HS3ST4: variants seen among roughly 807,000 people sequenced by gnomAD.
The protein encoded by HS3ST4 is heparan sulfate glucosamine 3-O-sulfotransferase 4.
A neutral mutation model predicts 29.2 loss-of-function variants in HS3ST4; 17 were observed. The ratio of observed to expected loss-of-function variants is 0.58; its 90% CI spans 0.40 to 0.87. The LOEUF (loss-of-function observed/expected upper bound fraction) is 0.87. Ranked by LOEUF, HS3ST4 falls within the 40% of genes least tolerant of loss-of-function variation. The probability of loss-of-function intolerance (pLI) is 0.00; values close to 1 mark genes in which losing one functional copy is unlikely to be tolerated. For missense variants in HS3ST4, 627 were observed against 634.5 expected (o/e 0.99, Z 0.13); for synonymous variants, 314 against 285.7 (o/e 1.10, Z -1.00).
chr16:25,761,275 A>G (rs1018728180), intron 1 of HS3ST4, among the ~76,000 whole-genome samples: 1 of 152,188 alleles, frequency 6.6e-6, no homozygotes, highest in Non-Finnish European at 1.5e-5. Flanking sequence ...TGCCCTGCTC[A>G]ATAGGACATT....
rs542750261 is a variant in HS3ST4, at chr16:26,028,050, A to T, written c.735-107562A>T. ...CACTTTGGGAGGCCGAGGTGGGTGGATCACCTGAGGTCAGGAGTTCGAGAC... is the reference window on the plus strand; with the variant it reads ...CACTTTGGGAGGCCGAGGTGGGTGGTTCACCTGAGGTCAGGAGTTCGAGAC... On this transcript the variant is annotated intron_variant, in intron 1 of 1. Coordinates refer to ENST00000331351, the MANE Select transcript of HS3ST4 (RefSeq NM_006040.3). Among the ~76,000 whole-genome samples, 3 of 152,262 alleles carry T rather than the reference A, an allele frequency of 2.0e-5. 1 individual carries two copies. The South Asian group carries it at 6.2e-4, about 32-fold the overall frequency.
chr16:26,135,475 A>C, intron 1 of HS3ST4, 137 bp from the exon 2 acceptor site: 1 of 834,282 alleles, frequency 1.2e-6, no homozygotes, highest in Non-Finnish European at 1.8e-6. Context: ...GATATAGGTA[A>C]GAAGAACTTG....
At chr16:25,701,294 C>A (rs537758852) in intron 1 of HS3ST4, among the ~76,000 whole-genome samples, 2 of 152,296 alleles carry the variant, frequency 1.3e-5, no homozygotes, top group East Asian at 3.9e-4. Context: ...GGGTCCTGTG[C>A]CCCATTCCTA....
chr16:25,737,322 G>C (rs1316866335), intron 1 of HS3ST4, among the ~76,000 whole-genome samples: 1 of 151,502 alleles, frequency 6.6e-6, no homozygotes, highest in African/African-American at 2.4e-5. Flanking sequence ...GTTTGATGTA[G>C]ATTAAAATGT....
intron 1 of HS3ST4, among the ~76,000 whole-genome samples, chr16:26,098,981 G>A (rs771392160): frequency 6.6e-6 from 1 of 152,178 alleles, no homozygotes; most frequent in Non-Finnish European, 1.5e-5. Flanking sequence ...GACAGGTGTG[G>A]TGGGAGGAAT....
chr16:25,951,959 C>A (rs1031356805), intron 1 of HS3ST4, among the ~76,000 whole-genome samples: 6 of 150,960 alleles, frequency 4.0e-5, no homozygotes, highest in African/African-American at 1.2e-4. Context: ...TGCACATGTA[C>A]CCTGGAACTT....
chr16:25,743,841 C>G (rs550386037), intron 1 of HS3ST4, among the ~76,000 whole-genome samples: 1 of 152,270 alleles, frequency 6.6e-6, no homozygotes, highest in African/African-American at 2.4e-5. Context: ...CTCTGACTCT[C>G]ACATCTTGTT....
chr16:25,905,684 G>A (rs1968172097), intron 1 of HS3ST4, among the ~76,000 whole-genome samples: 1 of 152,306 alleles, frequency 6.6e-6, no homozygotes, highest in Non-Finnish European at 1.5e-5. Context: ...GAACTAGAAT[G>A]TCCACAAAAT....
At chr16:26,116,689 G>T (rs1323306981) in intron 1 of HS3ST4, among the ~76,000 whole-genome samples, 1 of 152,076 alleles carries the variant, frequency 6.6e-6, no homozygotes, top group Admixed American at 6.5e-5. Flanking sequence ...ATTGACATTT[G>T]TTTATTTATT....
chr16:25,748,769 G>A (rs1232737903), intron 1 of HS3ST4, among the ~76,000 whole-genome samples: 3 of 152,142 alleles, frequency 2.0e-5, no homozygotes, highest in African/African-American at 7.2e-5. Context: ...GCTATTGCCT[G>A]ACTTCTCATA....
chr16:25,902,766 C>G (rs968773337), intron 1 of HS3ST4, among the ~76,000 whole-genome samples: 4 of 134,944 alleles, frequency 3.0e-5, no homozygotes, highest in South Asian at 2.5e-4. Context: ...GGACTCCAGA[C>G]AGCATTAAAA....
At chr16:26,058,185 C>G (rs547235171) in intron 1 of HS3ST4, among the ~76,000 whole-genome samples, 47 of 152,282 alleles carry the variant, frequency 3.1e-4, no homozygotes, top group African/African-American at 1.1e-3. Context: ...GTGACCAAAC[C>G]TTTCTGAAAT....
chr16:26,009,348 A>G (rs1406114357), intron 1 of HS3ST4, among the ~76,000 whole-genome samples: 1 of 152,186 alleles, frequency 6.6e-6, no homozygotes, highest in East Asian at 1.9e-4. Flanking sequence ...CAAGGACCAT[A>G]TCTGATTTTA....
intron 1 of HS3ST4, among the ~76,000 whole-genome samples, chr16:26,133,019 T>C (rs1057350519): frequency 7.2e-5 from 11 of 152,206 alleles, no homozygotes; most frequent in African/African-American, 2.4e-5. Flanking sequence ...GACACCAGCC[T>C]CCAGATCCGG....
chr16:25,863,849 A>G (rs970131747), intron 1 of HS3ST4, among the ~76,000 whole-genome samples: 1 of 152,236 alleles, frequency 6.6e-6, no homozygotes, highest in Non-Finnish European at 1.5e-5. Context: ...TCCGCCAGGG[A>G]TGCCAATAAC....
At chr16:25,828,595 G>T (rs763748856) in intron 1 of HS3ST4, among the ~76,000 whole-genome samples, 25 of 151,728 alleles carry the variant, frequency 1.6e-4, no homozygotes, top group Non-Finnish European at 3.4e-4. Context: ...CCCACCTCAG[G>T]CTCCCAAAGT....
chr16:25,973,662 C>T (rs78739520), intron 1 of HS3ST4, among the ~76,000 whole-genome samples: 13,420 of 152,218 alleles, frequency 0.088, 790 homozygotes, highest in Non-Finnish European at 0.12. Flanking sequence ...CATCTGAAAA[C>T]GAAATGATTT....
chr16:25,817,558 A>G (rs1332274856), intron 1 of HS3ST4, among the ~76,000 whole-genome samples: 1 of 152,244 alleles, frequency 6.6e-6, no homozygotes, highest in Non-Finnish European at 1.5e-5. Context: ...TCACGGCTGT[A>G]CTAAAGGATC....
intron 1 of HS3ST4, among the ~76,000 whole-genome samples, chr16:25,718,271 C>T (rs1966471184): frequency 6.6e-6 from 1 of 152,178 alleles, no homozygotes; most frequent in Non-Finnish European, 1.5e-5. Flanking sequence ...GTGCACTGTG[C>T]TTCAGTGTGG....
Sources: gnomAD v4.1 joint callset for allele counts (sites outside exome capture counted in the v4.1 genomes callset) on GRCh38, gnomAD v4.1.1 for gene constraint, MANE v1.5 for transcripts, NCBI Gene and HGNC (gene_info 2026-07-23, HGNC 2026-07-21) for gene names.